Variants in GNB1L observed in about 807,000 individuals in gnomAD.
The protein encoded by GNB1L is G protein subunit beta 1 like.
A neutral mutation model predicts 29.1 loss-of-function variants in GNB1L; 20 were observed. The observed-to-expected ratio is 0.69, with a 90% confidence interval of 0.48 to 1.00. The LOEUF (loss-of-function observed/expected upper bound fraction) is 1.00, where lower values mean the gene tolerates loss of function less well. Among genes scored for constraint, GNB1L ranks in the 50% least tolerant of loss-of-function variants. GNB1L has a pLI of 0.00. For missense variants in GNB1L, 421 were observed against 464.9 expected, an observed-to-expected ratio of 0.91 and a Z score of 0.87; for synonymous variants, 193 against 206.5, an observed-to-expected ratio of 0.93 and a Z score of 0.56.
chr22:19,830,885 A>G (rs1420014273), intron 2 of GNB1L, among the ~76,000 whole-genome samples: 1 of 152,252 alleles, frequency 6.6e-6, no homozygotes, highest in Non-Finnish European at 1.5e-5. Context: ...TACGTGTGGA[A>G]GTTTAATACA....
chr22:19,812,512 G>T, intron 4 of GNB1L, 65 bp from the exon 5 acceptor site: 2 of 1,445,544 alleles, frequency 1.4e-6, no homozygotes, highest in Non-Finnish European at 1.9e-6. Context: ...CATGGCCCCT[G>T]CAGCGGAAGG....
At chr22:19,805,388 C>T (rs1033561445) in intron 6 of GNB1L, among the ~76,000 whole-genome samples, 30 of 152,236 alleles carry the variant, frequency 2.0e-4, no homozygotes, top group African/African-American at 6.3e-4. Context: ...TGCACAGGCC[C>T]ATCCGGTCTC....
Position 19,784,314 on chromosome 22 carries a change from G to A in GNB1L, c.*4395C>T, listed in dbSNP as rs1937171383. ...GCACGTCAACATGGAGCGCCCAGCA[G>A]CGGCGGCGGGTCCTGGGCTGTGCTC... On this transcript the variant is annotated 3_prime_UTR_variant, in exon 8 of 8. Transcript: ENST00000329517. 6.6e-6 allele frequency: 1 copy of A among 152,232 alleles called. No individual in the cohort carries two copies. Among genetic ancestry groups the A allele is most frequent in the Admixed American group, 6.5e-5 (1 of 15,288 alleles). 9.4% of individuals were successfully genotyped at this position (152,232 alleles called of 1,614,324 possible).
At chr22:19,812,720 A>G (rs2145875987) in intron 4 of GNB1L, among the ~76,000 whole-genome samples, 1 of 152,284 alleles carries the variant, frequency 6.6e-6, no homozygotes, top group East Asian at 1.9e-4. Flanking sequence ...GGGGACACCA[A>G]CCCTGCAGTG....
chr22:19,809,733 G>C (rs1937477986), intron 5 of GNB1L, among the ~76,000 whole-genome samples: 1 of 152,196 alleles, frequency 6.6e-6, no homozygotes, highest in Non-Finnish European at 1.5e-5. Context: ...CCCGGGAGGG[G>C]ATAAGGGAAC....
intron 7 of GNB1L, among the ~76,000 whole-genome samples, chr22:19,798,493 G>A (rs1211182453): frequency 6.6e-6 from 1 of 152,152 alleles, no homozygotes; most frequent in Non-Finnish European, 1.5e-5. Flanking sequence ...TTGCTGGCAG[G>A]TCCTTCCCAG....
intron 7 of GNB1L, among the ~76,000 whole-genome samples, chr22:19,790,269 G>A (rs866161152): frequency 2.6e-5 from 4 of 152,080 alleles, no homozygotes; most frequent in East Asian, 1.9e-4. Context: ...CTATGGAACC[G>A]GTTATTATAA....
chr22:19,840,150 TC>T (rs1338441131), intron 2 of GNB1L, among the ~76,000 whole-genome samples: 2 of 152,176 alleles, frequency 1.3e-5, no homozygotes, highest in Non-Finnish European at 2.9e-5. Context: ...TCACCTATTT[TC>T]AGACTGCAAT....
chr22:19,789,294 T>C (rs1364489859), intron 7 of GNB1L, among the ~76,000 whole-genome samples: 2 of 152,210 alleles, frequency 1.3e-5, no homozygotes, highest in South Asian at 2.1e-4. Context: ...GGGAAGCCAC[T>C]GCACCCTAGT....
intron 2 of GNB1L, among the ~76,000 whole-genome samples, chr22:19,824,007 C>G (rs985180653): frequency 1.1e-4 from 16 of 152,242 alleles, no homozygotes; most frequent in Non-Finnish European, 1.9e-4. Flanking sequence ...GCGGGAGTTT[C>G]CAGAACCTCA....
rs900318246 is a variant in GNB1L, at chr22:19,784,553, G to C, written c.*4156C>G. ...CTTGTCTAAGAGGGACCCTGTTGGC[G>C]GCGCAACGCTGGGTGAGTGCTGCCC... On this transcript the variant is annotated 3_prime_UTR_variant, in exon 8 of 8. Coordinates refer to ENST00000329517, the MANE Select transcript of GNB1L (RefSeq NM_053004.3). 2 of 152,424 alleles carry C rather than the reference G, an allele frequency of 1.3e-5. No homozygotes were observed. Among genetic ancestry groups the C allele is most frequent in the African/African-American group, 4.8e-5 (2 of 41,464 alleles). 9.4% of individuals were successfully genotyped at this position (152,424 alleles called of 1,614,324 possible). A position where few individuals can be genotyped will look rare whatever the true frequency, so the allele number is the denominator to read the frequency against.
intron 5 of GNB1L, among the ~76,000 whole-genome samples, chr22:19,810,399 G>A (rs1016201164): frequency 4.6e-5 from 7 of 152,152 alleles, no homozygotes; most frequent in South Asian, 4.1e-4. Context: ...GGAGGGGTGC[G>A]GTGAGGGCAG....
At chr22:19,792,227 T>C in intron 7 of GNB1L, 2 of 612,468 alleles carry the variant, frequency 3.3e-6, no homozygotes, top group Non-Finnish European at 5.8e-6. Flanking sequence ...ACATATCAGA[T>C]AAAGACTTTA....
At chr22:19,852,871 A>G (rs1938142502) in intron 2 of GNB1L, among the ~76,000 whole-genome samples, 1 of 152,126 alleles carries the variant, frequency 6.6e-6, no homozygotes, top group Non-Finnish European at 1.5e-5. Flanking sequence ...ACACTAACCC[A>G]TAAGTGGTGG....
At chr22:19,847,043 C>A in intron 2 of GNB1L, 7 of 985,472 alleles carry the variant, frequency 7.1e-6, no homozygotes, top group Non-Finnish European at 8.4e-6. Context: ...ATAGGATGAT[C>A]AGCTGCTGCC....
intron 4 of GNB1L, among the ~76,000 whole-genome samples, chr22:19,813,372 G>A (rs899225243): frequency 2.0e-5 from 3 of 152,216 alleles, no homozygotes; most frequent in Non-Finnish European, 4.4e-5. Flanking sequence ...TGTAGTGCCA[G>A]GCAGTGAGAA....
chr22:19,818,352 T>G (rs543524227), intron 4 of GNB1L, among the ~76,000 whole-genome samples: 25 of 152,334 alleles, frequency 1.6e-4, no homozygotes, highest in African/African-American at 5.8e-4. Flanking sequence ...CAGCTCCTGA[T>G]GCACATGGCC....
chr22:19,846,403 C>G (rs13164), intron 2 of GNB1L: 225,213 of 983,248 alleles, frequency 0.23, 26,423 homozygotes, highest in East Asian at 0.35. Context: ...CAACTGGGCA[C>G]TGCCTACTCA....
Position 19,834,773 on chromosome 22 carries a change from G to C in GNB1L, c.-20-13398C>G, listed in dbSNP as rs560302085. Among the ~76,000 whole-genome samples, 365 of 151,560 alleles carry C rather than the reference G, an allele frequency of 2.4e-3. 1 individual carries two copies. Among genetic ancestry groups the C allele is most frequent in the South Asian group, 9.6e-3 (46 of 4,800 alleles). On this transcript the variant is annotated intron_variant, in intron 2 of 7. Transcript: ENST00000329517. ...TACCTAAATAATTCAAGAGAGGACAGGAAAGAGGGGATAGAAGAAAAAAAA... is the reference window on the plus strand; with the variant it reads ...TACCTAAATAATTCAAGAGAGGACACGAAAGAGGGGATAGAAGAAAAAAAA...
Sources: allele counts gnomAD v4.1 joint callset (sites outside exome capture counted in the v4.1 genomes callset), GRCh38; gene constraint gnomAD v4.1.1; transcripts MANE v1.5; gene names NCBI Gene and HGNC (gene_info 2026-07-23, HGNC 2026-07-21).